The following NOVA1 variants were observed in gnomAD, a reference collection of about 807,000 sequenced individuals.
NOVA1 encodes NOVA alternative splicing regulator 1.
NOVA1 carries 7 observed loss-of-function variants against 38.0 expected under a neutral mutation model. The ratio of observed to expected loss-of-function variants is 0.18; its 90% CI spans 0.10 to 0.35. The LOEUF (loss-of-function observed/expected upper bound fraction) is 0.35, where lower values mean the gene tolerates loss of function less well. NOVA1 is among the 10% of genes least tolerant of loss of function. The pLI is 1.00. For missense variants in NOVA1, 460 were observed against 616.0 expected (o/e 0.75, Z 2.68); for synonymous variants, 270 against 232.5 (o/e 1.16, Z -1.47).
intron 4 of NOVA1, among the ~76,000 whole-genome samples, chr14:26,464,061 G>A (rs944168906): frequency 2.6e-5 from 4 of 152,170 alleles, no homozygotes; most frequent in East Asian, 1.9e-4. Flanking sequence ...TATAAAATTC[G>A]GATGTAACAA....
chr14:26,477,146 T>C (rs1053597901), intron 3 of NOVA1, among the ~76,000 whole-genome samples: 1 of 152,202 alleles, frequency 6.6e-6, no homozygotes, highest in Non-Finnish European at 1.5e-5. Flanking sequence ...TAGTATATTT[T>C]GCTACTTACT....
In NOVA1 at chr14:26,456,964, T is replaced by TAC. The variant is rs558411232; in HGVS notation, c.520-8003_520-8002dup. 1.1e-3 allele frequency among the ~76,000 whole-genome samples: 161 copies of TAC among 143,544 alleles called. 1 individual carries two copies. Among genetic ancestry groups the TAC allele is most frequent in the East Asian group, 4.8e-3 (22 of 4,630 alleles). 94.2% of individuals were successfully genotyped at this position (143,544 alleles called of 152,430 possible). A position where few individuals can be genotyped will look rare whatever the true frequency, so the allele number is the denominator to read the frequency against. On this transcript the variant is annotated intron_variant, in intron 4 of 4. Coordinates refer to ENST00000539517, the MANE Select transcript of NOVA1 (RefSeq NM_002515.3). ...ATATATACACACACACACAAATATA[T>TAC]ACACACACACACACATATATATATA...
chr14:26,445,466 G>A lies in NOVA1; in HGVS notation c.*2493C>T, dbSNP rs1376563597. On this transcript the variant is annotated 3_prime_UTR_variant, in exon 5 of 5. Coordinates refer to ENST00000539517, the MANE Select transcript of NOVA1 (RefSeq NM_002515.3). ...ACTAACATATAACCATGCTAACTAG[G>A]AAAAGTTTAAAATTCCCATTTACAA... 6.6e-6 allele frequency: 1 copy of A among 152,050 alleles called. No homozygotes were observed. Among genetic ancestry groups the A allele is most frequent in the Admixed American group, 6.6e-5 (1 of 15,252 alleles). The allele number at this position is 152,050 out of a possible 1,614,324, so 9.4% of individuals were successfully genotyped here. A position where few individuals can be genotyped will look rare whatever the true frequency, so the allele number is the denominator to read the frequency against.
At chr14:26,514,685 T>C (rs1383864829) in intron 2 of NOVA1, among the ~76,000 whole-genome samples, 1 of 151,862 alleles carries the variant, frequency 6.6e-6, no homozygotes, top group African/African-American at 2.4e-5. Context: ...ACTGGTATTA[T>C]ACCAGTACGG....
intron 2 of NOVA1, among the ~76,000 whole-genome samples, chr14:26,578,383 A>AGT (rs1892996976): frequency 6.6e-6 from 1 of 152,094 alleles, no homozygotes; most frequent in Non-Finnish European, 1.5e-5. Flanking sequence ...GAGAAAGAAC[A>AGT]GTGTATTTGT....
At chr14:26,581,003 G>A (rs555102152) in intron 2 of NOVA1, among the ~76,000 whole-genome samples, 2 of 152,142 alleles carry the variant, frequency 1.3e-5, no homozygotes, top group African/African-American at 4.8e-5. Flanking sequence ...TTTATTATGT[G>A]ACATGCTTTT....
At position 26,489,455 on chromosome 14, in the gene NOVA1, T is replaced by C. The variant is rs74042408; in HGVS notation, c.281-9312A>G. Among the ~76,000 whole-genome samples, 1,490 of 151,974 alleles carry C rather than the reference T, an allele frequency of 9.8e-3. 19 individuals carry two copies. The highest frequency in any genetic ancestry group is 0.033 in the African/African-American group (1,358 of 41,526). On this transcript the variant is annotated intron_variant, in intron 2 of 4. Coordinates refer to ENST00000539517, the MANE Select transcript of NOVA1 (RefSeq NM_002515.3). ...AGAAGTAATATAGGAGAGTAGACTA[T>C]AGTCGGAAAAACAACAGAAATTTAA...
At chr14:26,483,969 G>C (rs1246361899) in intron 2 of NOVA1, among the ~76,000 whole-genome samples, 1 of 152,074 alleles carries the variant, frequency 6.6e-6, no homozygotes, top group East Asian at 1.9e-4. Flanking sequence ...GTGAGATTAT[G>C]GCATCAGTTT....
chr14:26,449,793 T>C (rs1173154434), intron 4 of NOVA1, among the ~76,000 whole-genome samples: 1 of 152,104 alleles, frequency 6.6e-6, no homozygotes, highest in Non-Finnish European at 1.5e-5. Flanking sequence ...CTACCATATT[T>C]TCAGAGGATA....
At chr14:26,560,164 T>G (rs1365796169) in intron 2 of NOVA1, among the ~76,000 whole-genome samples, 1 of 152,054 alleles carries the variant, frequency 6.6e-6, no homozygotes, top group African/African-American at 2.4e-5. Context: ...GTACATGAAT[T>G]TTTTAGCACT....
chr14:26,454,930 T>C (rs1056079670), intron 4 of NOVA1, among the ~76,000 whole-genome samples: 5 of 152,274 alleles, frequency 3.3e-5, no homozygotes, highest in African/African-American at 1.2e-4. Context: ...TTTTGGGGAA[T>C]CTACATTGAA....
At chr14:26,467,797 G>A (rs1226369494) in intron 4 of NOVA1, among the ~76,000 whole-genome samples, 2 of 152,138 alleles carry the variant, frequency 1.3e-5, no homozygotes, top group African/African-American at 4.8e-5. Context: ...AGTATGTGTT[G>A]GTATGAGTTT....
rs1881814887 is a variant in NOVA1, at chr14:26,443,139, T to C, written c.*4820A>G. The C allele has an allele frequency of 1.3e-5, 2 of 152,062 alleles. No homozygotes were observed. Among genetic ancestry groups the C allele is most frequent in the African/African-American group, 4.8e-5 (2 of 41,444 alleles). The allele number at this position is 152,062 out of a possible 1,614,324, so 9.4% of individuals were successfully genotyped here. ...TTTATTAGAGAAACAAATACAAATA[T>C]GCATTTCTACAGAACTGTTTTAATT... On this transcript the variant is annotated 3_prime_UTR_variant, in exon 5 of 5. Transcript: ENST00000539517.
chr14:26,494,880 T>C (rs1886639871), intron 2 of NOVA1, among the ~76,000 whole-genome samples: 1 of 152,206 alleles, frequency 6.6e-6, no homozygotes, highest in Non-Finnish European at 1.5e-5. Flanking sequence ...AGTTTGAACC[T>C]GTAAATATTA....
At chr14:26,557,686 T>C (rs1195349726) in intron 2 of NOVA1, among the ~76,000 whole-genome samples, 3 of 152,138 alleles carry the variant, frequency 2.0e-5, no homozygotes, top group South Asian at 4.1e-4. Flanking sequence ...TACAGCCATT[T>C]TGGAAGACAG....
intron 2 of NOVA1, among the ~76,000 whole-genome samples, chr14:26,582,208 T>C (rs1370038904): frequency 2.6e-5 from 4 of 151,834 alleles, no homozygotes; most frequent in Non-Finnish European, 5.9e-5. Context: ...TTATTCTGCA[T>C]ATTTTAAGTA....
intron 2 of NOVA1, among the ~76,000 whole-genome samples, chr14:26,525,362 C>T (rs1889222829): frequency 6.6e-6 from 1 of 152,094 alleles, no homozygotes; most frequent in African/African-American, 2.4e-5. Context: ...AGTGAAGGTT[C>T]TTAAGGTCAT....
chr14:26,497,410 C>G (rs1339917870), intron 2 of NOVA1, among the ~76,000 whole-genome samples: 1 of 152,156 alleles, frequency 6.6e-6, no homozygotes, highest in Non-Finnish European at 1.5e-5. Context: ...TCCAGAATTA[C>G]TGCATTAAAA....
chr14:26,577,510 C>A (rs1721759640), intron 2 of NOVA1, among the ~76,000 whole-genome samples: 1 of 152,074 alleles, frequency 6.6e-6, no homozygotes, highest in Non-Finnish European at 1.5e-5. Context: ...TATGTTAATT[C>A]TTTACCTGCC....
Sources: gnomAD v4.1 joint callset for allele counts (sites outside exome capture counted in the v4.1 genomes callset) on GRCh38, gnomAD v4.1.1 for gene constraint, MANE v1.5 for transcripts, NCBI Gene and HGNC (gene_info 2026-07-23, HGNC 2026-07-21) for gene names.